NDST1: variants seen among roughly 807,000 people sequenced by gnomAD.
NDST1 encodes the protein N-deacetylase and N-sulfotransferase 1.
In NDST1, 35 loss-of-function variants were observed where a neutral mutation model predicts 92.8. The observed-to-expected ratio is 0.38, with a 90% CI of 0.29 to 0.50. The LOEUF (loss-of-function observed/expected upper bound fraction) is 0.50, where lower values mean the gene tolerates loss of function less well. Among genes scored for constraint, NDST1 ranks in the 20% least tolerant of loss-of-function variants. The probability of loss-of-function intolerance (pLI) is 0.94; values close to 1 mark genes in which losing one functional copy is unlikely to be tolerated. For missense variants in NDST1, 822 were observed against 1,182.7 expected (o/e 0.69, Z 4.47); for synonymous variants, 493 against 500.3 (o/e 0.99, Z 0.19).
intron 6 of NDST1, among the ~76,000 whole-genome samples, chr5:150,537,163 T>C (rs1052899762): frequency 1.3e-5 from 2 of 152,250 alleles, no homozygotes; most frequent in African/African-American, 4.8e-5. Flanking sequence ...TGAGGATGAA[T>C]GTCGTCTCAG....
Position 150,523,694 on chromosome 5 carries a change from G to C in NDST1, c.513+1927G>C, listed in dbSNP as rs534202610. Among the ~76,000 whole-genome samples the C allele has an allele frequency of 9.8e-4, 150 of 152,324 alleles. 1 individual carries two copies. Among genetic ancestry groups the C allele is most frequent in the South Asian group, 8.7e-3 (42 of 4,832 alleles). On this transcript the variant is annotated intron_variant, in intron 2 of 14. Transcript: ENST00000261797. The stretch of plus-strand genomic sequence containing the variant: ...GCACAGAGCTCCCACAGTCTTTGGG[G>C]ACCAGGCGGTGGGCTGTGGCCATTG...
intron 3 of NDST1, among the ~76,000 whole-genome samples, chr5:150,529,390 CAAAAA>C (rs11418788): frequency 1.4e-4 from 9 of 65,172 alleles, no homozygotes; most frequent in African/African-American, 4.1e-4. Context: ...GACCCTGTCT[CAAAAA>C]AAAAAAAAAA....
Position 150,549,104 on chromosome 5 carries a change from C to T in NDST1, c.2317-574C>T, listed in dbSNP as rs189942533. On this transcript the variant is annotated intron_variant, in intron 12 of 14. Coordinates refer to ENST00000261797, the MANE Select transcript of NDST1 (RefSeq NM_001543.5). Reference sequence around the variant, plus strand: ...TTGGCTCACTGCAACCTCTGCCTCCCGGGTTCAAGCGTTTCTTCCACCTCA... The same window carrying T: ...TTGGCTCACTGCAACCTCTGCCTCCTGGGTTCAAGCGTTTCTTCCACCTCA... Among the ~76,000 whole-genome samples, 553 of 152,294 alleles carry T rather than the reference C, an allele frequency of 3.6e-3. 2 individuals carry two copies. Among genetic ancestry groups the T allele is most frequent in the Non-Finnish European group, 5.8e-3 (395 of 68,026 alleles).
intron 1 of NDST1, 96 bp downstream of exon 1, chr5:150,508,322 AGTGT>A (rs56201209): frequency 0.15 from 21,311 of 146,010 alleles, 1,747 homozygotes; most frequent in South Asian, 0.24. Context: ...GGTCCATCTG[AGTGT>A]GTGTGTGTGT....
rs1256056245 is a variant in NDST1 at position 150,534,983 on chromosome 5, T to C, written c.1213T>C (p.Leu405=). 1.2e-6 allele frequency: 2 copies of C among 1,614,276 alleles called. No homozygotes were observed. Among genetic ancestry groups the C allele is most frequent in the Non-Finnish European group, 1.7e-6 (2 of 1,180,050 alleles). ...QPHLFHNQSV[L]AEQMALNKKF... ...CCACCTTTTCCACAACCAGTCCGTGTTGGCCGAGCAGATGGCCTTGAACAA... is the reference window on the plus strand; with the variant it reads ...CCACCTTTTCCACAACCAGTCCGTGCTGGCCGAGCAGATGGCCTTGAACAA... Residue 405 remains leucine, a synonymous_variant, in exon 5 of 15, where the codon TTG becomes CTG. Coordinates refer to ENST00000261797, the MANE Select transcript of NDST1 (RefSeq NM_001543.5).
rs779064315 is a variant in NDST1 at position 150,553,235 on chromosome 5, A to G, written c.2552A>G (p.Tyr851Cys). Residue 851 changes from tyrosine to cysteine, a missense_variant, in exon 15 of 15, where the codon TAT becomes TGT. Transcript: ENST00000261797. The surrounding 1 kb of genome is among the most constrained non-coding windows in gnomAD (Gnocchi z 4.2). The stretch of plus-strand genomic sequence containing the variant: ...CAGTCCCGAGCCTTCCTGAAGGACT[A>G]TTACCGGGACCACAACATCGAGCTC... ...DLDSRAFLKD[Y>C]YRDHNIELSK... 4 of 1,613,592 alleles carry G rather than the reference A, an allele frequency of 2.5e-6. No individual in the cohort carries two copies. Among genetic ancestry groups the G allele is most frequent in the Non-Finnish European group, 3.4e-6 (4 of 1,179,628 alleles).
At chr5:150,532,076 T>C (rs1481040462) in intron 3 of NDST1, among the ~76,000 whole-genome samples, 1 of 152,250 alleles carries the variant, frequency 6.6e-6, no homozygotes, top group East Asian at 1.9e-4. Flanking sequence ...AGACGTAGCA[T>C]TGGCCACCAT....
chr5:150,540,276 G>A lies in NDST1; in HGVS notation c.1749+12G>A. 2 of 1,590,168 alleles carry A rather than the reference G, an allele frequency of 1.3e-6. No individual in the cohort carries two copies. The highest frequency in any genetic ancestry group is 1.7e-6 in the Non-Finnish European group (2 of 1,166,428). The stretch of plus-strand genomic sequence containing the variant: ...ACCCGCTCTGGCAGGTGGGGGGCTG[G>A]GCAGCCTGGGCAGGTTGCTACAGGG... On this transcript the variant is annotated intron_variant, in intron 8 of 14. Coordinates refer to ENST00000261797, the MANE Select transcript of NDST1 (RefSeq NM_001543.5).
intron 2 of NDST1, 62 bp from the exon 3 acceptor site, chr5:150,527,742 G>C: frequency 6.2e-7 from 1 of 1,604,222 alleles, no homozygotes; most frequent in Non-Finnish European, 8.5e-7. Context: ...GTGAGAGACT[G>C]TGTCCTTTGG....
chr5:150,537,565 T>C lies in NDST1; in HGVS notation c.1438-1663T>C, dbSNP rs144438854. On this transcript the variant is annotated intron_variant, in intron 6 of 14. Transcript: ENST00000261797. ...ACAAATTTTGGTCAGACTGGTTGTC[T>C]GCTCTCAAACCCTGTCTGCTGATAA... Among the ~76,000 whole-genome samples, 136 of 152,370 alleles carry C rather than the reference T, an allele frequency of 8.9e-4. 1 individual carries two copies. The highest frequency in any genetic ancestry group is 3.0e-3 in the African/African-American group (123 of 41,600).
chr5:150,542,578 G>A (rs1453868438), intron 9 of NDST1, among the ~76,000 whole-genome samples: 2 of 152,214 alleles, frequency 1.3e-5, no homozygotes, highest in East Asian at 3.8e-4. Flanking sequence ...CAGATTCTGA[G>A]GCCACGTCCT....
At position 150,537,966 on chromosome 5, in the gene NDST1, A is replaced by T. The variant is rs553498386; in HGVS notation, c.1438-1262A>T. 2.0e-5 allele frequency among the ~76,000 whole-genome samples: 3 copies of T among 152,380 alleles called. No individual in the cohort carries two copies. The South Asian group carries it at 6.2e-4, about 32-fold the overall frequency. On this transcript the variant is annotated intron_variant, in intron 6 of 14. Coordinates refer to ENST00000261797, the MANE Select transcript of NDST1 (RefSeq NM_001543.5). ...GTTTCCCCCAATACATGTGTAAAAT[A>T]TACAGTGGTCAGATGGTGATGAGTG...
In NDST1 at chr5:150,553,201, T is replaced by C; in HGVS notation, c.2530-12T>C. ...TCAGTACACAAGGTCTGAGCTTTCCTTCCCGTTACAGTCCCGAGCCTTCCT... is the reference window on the plus strand; with the variant it reads ...TCAGTACACAAGGTCTGAGCTTTCCCTCCCGTTACAGTCCCGAGCCTTCCT... On this transcript the variant is annotated splice_polypyrimidine_tract_variant and intron_variant, in intron 14 of 14. Coordinates refer to ENST00000261797, the MANE Select transcript of NDST1 (RefSeq NM_001543.5). This position sits in a 1 kb window ranked among gnomAD's most constrained non-coding sequence, Gnocchi z 4.2. 1 of 1,611,692 alleles carries C rather than the reference T, an allele frequency of 6.2e-7. No individual in the cohort carries two copies. The highest frequency in any genetic ancestry group is 8.5e-7 in the Non-Finnish European group (1 of 1,178,378).
rs750489076 is a variant in NDST1, at chr5:150,553,306, C to T, written c.2623C>T (p.Arg875Ter). ...GGGCCAGACACTTCCCACTTGGCTA[C>T]GAGAGGACCTCCAGAACACCAGGTA... ...KMGQTLPTWL[R>*]EDLQNTR Residue 875 changes from arginine (R) to a stop codon, truncating the protein, a stop_gained, in exon 15 of 15, where the codon CGA becomes TGA. Coordinates refer to ENST00000261797, the MANE Select transcript of NDST1 (RefSeq NM_001543.5). LOFTEE classifies it high-confidence loss of function. This position sits in a 1 kb window ranked among gnomAD's most constrained non-coding sequence, Gnocchi z 4.2. 15 of 1,613,518 alleles carry T rather than the reference C, an allele frequency of 9.3e-6. No homozygotes were observed. Among genetic ancestry groups the T allele is most frequent in the African/African-American group, 5.3e-5 (4 of 74,906 alleles).
intron 14 of NDST1, among the ~76,000 whole-genome samples, chr5:150,552,098 G>A (rs914236917): frequency 4.6e-5 from 7 of 152,170 alleles, no homozygotes; most frequent in Non-Finnish European, 7.4e-5. Context: ...TTGAGGATGA[G>A]CCAGACATGT....
rs770302254 is a variant in NDST1 at position 150,521,708 on chromosome 5, C to T, written c.454C>T (p.Arg152Trp). ...LKYVNLDAWN[R>W]ELLDKYCVAY... Reference sequence around the variant, plus strand: ...GTATGTCAACCTGGACGCCTGGAACCGGGAGCTGCTGGACAAGTACTGTGT... The same window carrying T: ...GTATGTCAACCTGGACGCCTGGAACTGGGAGCTGCTGGACAAGTACTGTGT... Residue 152 changes from arginine (R) to tryptophan (W), a missense_variant, in exon 2 of 15, where the codon CGG (arginine) becomes TGG (tryptophan). By Grantham distance (101) the Arg-to-Trp change is moderately radical. Coordinates refer to ENST00000261797, the MANE Select transcript of NDST1 (RefSeq NM_001543.5). This position sits in a 1 kb window ranked among gnomAD's most constrained non-coding sequence, Gnocchi z 5.9. 5 of 1,614,010 alleles carry T rather than the reference C, an allele frequency of 3.1e-6. No homozygotes were observed. The highest frequency in any genetic ancestry group is 1.7e-5 in the Admixed American group (1 of 60,024).
At chr5:150,512,191 A>G (rs181745920) in intron 1 of NDST1, among the ~76,000 whole-genome samples, 19 of 152,270 alleles carry the variant, frequency 1.2e-4, no homozygotes, top group African/African-American at 4.1e-4. Flanking sequence ...CATGTGGCCC[A>G]GATGCCTATG....
At chr5:150,544,187 G>A (rs1400355493) in intron 10 of NDST1, among the ~76,000 whole-genome samples, 1 of 152,200 alleles carries the variant, frequency 6.6e-6, no homozygotes, top group African/African-American at 2.4e-5. Flanking sequence ...AATGTGGTGC[G>A]AAACCATATA....
At chr5:150,506,802 A>C (rs1753479657), upstream of NDST1, among the ~76,000 whole-genome samples, 1 of 152,124 alleles carries the variant, frequency 6.6e-6, no homozygotes, top group African/African-American at 2.4e-5. Context: ...AGCCCCAGCA[A>C]GTCTACAGGG....
Sources: gnomAD v4.1 joint callset for allele counts (sites outside exome capture counted in the v4.1 genomes callset) on GRCh38, gnomAD v4.1.1 for gene constraint, Gnocchi (gnomAD v3.1) non-coding constraint, MANE v1.5 for transcripts, NCBI Gene and HGNC (gene_info 2026-07-23, HGNC 2026-07-21) for gene names.